Variants in NEB observed in about 807,000 individuals in gnomAD.
NEB encodes nebulin.
In NEB, 512 loss-of-function variants were observed where a neutral mutation model predicts 952.2. That is an observed-to-expected ratio of 0.54 (90% CI 0.50 to 0.58). The LOEUF (loss-of-function observed/expected upper bound fraction) is 0.58. Ranked by LOEUF, NEB falls within the 20% of genes least tolerant of loss-of-function variation. NEB has a pLI of 0.00. For synonymous variants in NEB, 2,900 were observed against 3,149.8 expected (o/e 0.92, Z 2.66); for missense variants, 8,428 against 9,231.1 (o/e 0.91, Z 3.56).
chr2:151,610,166 T>C, intron 80 of NEB, 46 bp from the exon 81 acceptor site: 1 of 1,466,742 alleles, frequency 6.8e-7, no homozygotes, highest in South Asian at 1.3e-5. Context: ...TTTAAAACCA[T>C]GCTCATGTGC....
chr2:151,487,732 G>A lies in NEB; in HGVS notation c.25405-1799C>T, dbSNP rs146387362. ...GAAGGTAAAAGTTTTAGGTCAAATGGCATGTGTGTTTAAACTTATTTTATA... is the reference window on the plus strand; with the variant it reads ...GAAGGTAAAAGTTTTAGGTCAAATGACATGTGTGTTTAAACTTATTTTATA... On this transcript the variant is annotated intron_variant, in intron 181 of 181. Coordinates refer to ENST00000397345, the MANE Select transcript of NEB (RefSeq NM_001164508.2). 5.8e-3 allele frequency among the ~76,000 whole-genome samples: 883 copies of A among 152,120 alleles called. 5 individuals are homozygous for A. The highest frequency in any genetic ancestry group is 0.017 in the Middle Eastern group (5 of 294).
Position 151,690,630 on chromosome 2 carries a change from G to C in NEB, c.2310+97C>G, listed in dbSNP as rs1262041415. Reference sequence around the variant, plus strand: ...CTTGAAAAATAATAATATTGGGATGGTAGATGAGCCCATGAAGATTAAGCA... The same window carrying C: ...CTTGAAAAATAATAATATTGGGATGCTAGATGAGCCCATGAAGATTAAGCA... On this transcript the variant is annotated intron_variant, in intron 24 of 181. Coordinates refer to ENST00000397345, the MANE Select transcript of NEB (RefSeq NM_001164508.2). 8.2e-6 allele frequency: 7 copies of C among 857,790 alleles called. No individual in the cohort carries two copies. In the East Asian group the frequency reaches 1.9e-4, roughly 23 times the overall value. The allele number at this position is 857,790 out of a possible 1,614,324, so 53.1% of individuals were successfully genotyped here. A position where few individuals can be genotyped will look rare whatever the true frequency, so the allele number is the denominator to read the frequency against.
At chr2:151,684,751 G>A (rs80301875) in intron 28 of NEB, 27 bp downstream of exon 28, 3 of 1,514,056 alleles carry the variant, frequency 2.0e-6, no homozygotes, top group African/African-American at 1.4e-5. Context: ...TTTTAAAAGA[G>A]GGGCTACAGA....
rs549525441 is a variant in NEB, at chr2:151,519,728, G to A, written c.22520C>T (p.Thr7507Ile). 3 of 1,612,944 alleles carry A rather than the reference G, an allele frequency of 1.9e-6. No individual in the cohort carries two copies. Among genetic ancestry groups the A allele is most frequent in the African/African-American group, 2.7e-5 (2 of 74,960 alleles). The change falls in exon 154 of 182, where the codon ACA becomes ATA. Residue 7507 changes from threonine (T) to isoleucine (I), a missense_variant. Transcript: ENST00000397345. ...RENFDKEKGKTPKYNPKDSQL... is the reference protein window; with the variant it reads ...RENFDKEKGKIPKYNPKDSQL... Reference sequence around the variant, plus strand: ...GCTGTCTTTTGGATTGTATTTTGGTGTCTTGCCCTTTTCTTTATCGAAATT... The same window carrying A: ...GCTGTCTTTTGGATTGTATTTTGGTATCTTGCCCTTTTCTTTATCGAAATT...
At chr2:151,675,470 A>C in intron 34 of NEB, 79 bp from the exon 35 acceptor site, 1 of 917,236 alleles carries the variant, frequency 1.1e-6, no homozygotes, top group African/African-American at 1.7e-5. Flanking sequence ...TTTTAGCACA[A>C]TCACCCATGA....
In NEB at chr2:151,490,490, C is replaced by T. The variant is rs2152778292; in HGVS notation, c.25179G>A (p.Gln8393=). The T allele has an allele frequency of 6.2e-7, 1 of 1,609,316 alleles. No homozygotes were observed. Among genetic ancestry groups the T allele is most frequent in the Non-Finnish European group, 8.5e-7 (1 of 1,177,904 alleles). ...NVQAQRRSRE[Q]SRSASALSIS... is the part of the protein sequence containing the mutation. ...TGCTTAGTGCACTGGCAGATCGTGA[C>T]TGCTCCCGGCTCCGGCGCTGAGCTT... The change falls in exon 180 of 182, where the codon CAG becomes CAA. Residue 8393 remains glutamine (Q), a synonymous_variant. Transcript: ENST00000397345.
chr2:151,665,037 G>A (rs2154176095), intron 42 of NEB, among the ~76,000 whole-genome samples, 174 bp from the exon 43 acceptor site: 1 of 152,228 alleles, frequency 6.6e-6, no homozygotes, highest in African/African-American at 2.4e-5. Flanking sequence ...GAAAAAAATT[G>A]TTGAATACGG....
chr2:151,496,386 A>G lies in NEB; in HGVS notation c.24394-18T>C. On this transcript the variant is annotated intron_variant, in intron 172 of 181. Transcript: ENST00000397345. ...TATAACACCTGTGCGATGAGAAAGC[A>G]TCCAGAAAAACAACCATGAGTAACA... The G allele has an allele frequency of 1.9e-6, 3 of 1,592,386 alleles. No individual in the cohort carries two copies. The highest frequency in any genetic ancestry group is 2.6e-6 in the Non-Finnish European group (3 of 1,166,836).
chr2:151,510,392 C>A (rs1019833538), intron 161 of NEB, among the ~76,000 whole-genome samples: 7 of 152,226 alleles, frequency 4.6e-5, no homozygotes, highest in African/African-American at 1.7e-4. Flanking sequence ...TACAGGGACA[C>A]TGGCTTTTAA....
rs764491629 is a variant in NEB at position 151,610,081 on chromosome 2, G to A, written c.12058C>T (p.His4020Tyr). Residue 4020 changes from histidine to tyrosine, a missense_variant, in exon 81 of 182, where the codon CAC becomes TAC. By Grantham distance (83) the His-to-Tyr change is moderately conservative. Around this residue, in one of 11 missense-constraint regions of NEB, gnomAD observed 337 missense variants for 297.5 expected, o/e 1.13. Transcript: ENST00000397345. Reference protein sequence around the residue: ...KEAYEKQKGHHIGAQSIEDDP... With the variant: ...KEAYEKQKGHYIGAQSIEDDP... ...TCTTCAATGCTCTGGGCTCCAATGT[G>A]GTGGCCTTTCTGTTTCTCATAGGCT... 1.9e-6 allele frequency: 3 copies of A among 1,613,330 alleles called. No homozygotes were observed.
At chr2:151,675,648 A>T (rs141703040) in intron 34 of NEB, among the ~76,000 whole-genome samples, 1 of 152,340 alleles carries the variant, frequency 6.6e-6, no homozygotes, top group African/African-American at 2.4e-5. Flanking sequence ...GGTAAATTCA[A>T]CCATGAAACC....
chr2:151,697,342 G>A lies in NEB; in HGVS notation c.1365+8C>T, dbSNP rs572823953. 6.2e-7 allele frequency: 1 copy of A among 1,612,866 alleles called. No individual in the cohort carries two copies. The highest frequency in any genetic ancestry group is 1.3e-5 in the African/African-American group (1 of 75,050). On this transcript the variant is annotated splice_region_variant and intron_variant, in intron 15 of 181. Transcript: ENST00000397345. ...TTTGGAAAGTCAAACAATTGTCTTAGAACTTACATCACTGTTTTGAGCTGT... is the reference window on the plus strand; with the variant it reads ...TTTGGAAAGTCAAACAATTGTCTTAAAACTTACATCACTGTTTTGAGCTGT...
intron 153 of NEB, 89 bp from the exon 154 acceptor site, chr2:151,519,857 A>G (rs766819139): frequency 2.4e-6 from 2 of 834,158 alleles, no homozygotes; most frequent in Non-Finnish European, 4.1e-6. Flanking sequence ...GCCAAAGAAT[A>G]TGCATTGTAC....
rs1213296757 is a variant in NEB, at chr2:151,518,438, CA to C, written c.22696-17del. ...TGTACTGGTACTGAGGGGAAGGCGG[CA>C]AAAAAGGCACATTGATGGAGAAGCT... On this transcript the variant is annotated splice_polypyrimidine_tract_variant and intron_variant, in intron 155 of 181. Transcript: ENST00000397345. 2.0e-6 allele frequency: 3 copies of C among 1,473,772 alleles called. No homozygotes were observed. Among genetic ancestry groups the C allele is most frequent in the Non-Finnish European group, 2.8e-6 (3 of 1,059,694 alleles). 91.3% of individuals were successfully genotyped at this position (1,473,772 alleles called of 1,614,324 possible).
At chr2:151,679,318 C>T (rs2099397312) in intron 32 of NEB, among the ~76,000 whole-genome samples, 1 of 152,032 alleles carries the variant, frequency 6.6e-6, no homozygotes, top group Non-Finnish European at 1.5e-5. Flanking sequence ...ATTCACCTGT[C>T]TACAGAAGTA....
intron 30 of NEB, 101 bp downstream of exon 30, chr2:151,680,629 C>G: frequency 1.2e-6 from 1 of 868,500 alleles, no homozygotes; most frequent in Non-Finnish European, 1.8e-6. Context: ...AATTGGGTCT[C>G]TTCATATTGT....
chr2:151,724,221 A>T (rs372580033), intron 8 of NEB, 39 bp downstream of exon 8: 49 of 1,428,940 alleles, frequency 3.4e-5, no homozygotes, highest in Non-Finnish European at 4.6e-5. Context: ...TGATGGGATG[A>T]CATAGGAAGA....
At position 151,679,795 on chromosome 2, in the gene NEB, T is replaced by C; in HGVS notation, c.3181A>G (p.Lys1061Glu). ...TCAGTTCTCAGGTCATATCCCTTCT[T>C]GCTCAAGTCTTTCAAGTCTGCTTTG... ...MYKADLKDLS[K>E]KGYDLRTDAI... The change falls in exon 32 of 182, where the codon AAG becomes GAG. Residue 1061 changes from lysine (K) to glutamate (E), a missense_variant. By Grantham distance (56) the Lys-to-Glu change is moderately conservative. This residue lies in a region of NEB where 2,851 missense variants were observed against 2,791.5 expected (regional missense o/e 1.02). Transcript: ENST00000397345. 6.2e-7 allele frequency: 1 copy of C among 1,613,924 alleles called. No homozygotes were observed. The highest frequency in any genetic ancestry group is 8.5e-7 in the Non-Finnish European group (1 of 1,179,840).
intron 72 of NEB, among the ~76,000 whole-genome samples, chr2:151,620,345 G>GTGTA (rs1385721566): frequency 2.3e-5 from 2 of 87,934 alleles, no homozygotes; most frequent in African/African-American, 5.6e-5. Context: ...ATGTATGTGT[G>GTGTA]TGTATATATA....
Sources: gnomAD v4.1 joint callset for allele counts (sites outside exome capture counted in the v4.1 genomes callset) on GRCh38, gnomAD v4.1.1 for gene constraint, gnomAD v4.1.1 regional missense constraint, MANE v1.5 for transcripts, NCBI Gene and HGNC (gene_info 2026-07-23, HGNC 2026-07-21) for gene names.